Variants in FHIT observed in about 807,000 individuals in gnomAD.
FHIT encodes bis(5'-adenosyl)-triphosphatase.
A neutral mutation model predicts 17.9 loss-of-function variants in FHIT; 19 were observed. The ratio of observed to expected loss-of-function variants is 1.06; its 90% CI spans 0.74 to 1.56. FHIT has a LOEUF of 1.56. Ranked by LOEUF, FHIT falls within the 40% of genes most tolerant of loss-of-function variation. The pLI is 0.00. For missense variants in FHIT, 248 were observed against 189.2 expected, an observed-to-expected ratio of 1.31 and a Z score of -1.82; for synonymous variants, 81 against 69.7, an observed-to-expected ratio of 1.16 and a Z score of -0.81.
chr3:60,316,592 AAT>A (rs1709177068), intron 5 of FHIT, among the ~76,000 whole-genome samples: 1 of 152,204 alleles, frequency 6.6e-6, no homozygotes, highest in African/African-American at 2.4e-5. Flanking sequence ...CATTGAGCTA[AAT>A]GCATTACAGC....
chr3:60,839,946 AT>A (rs201838444), intron 3 of FHIT, among the ~76,000 whole-genome samples: 11 of 150,498 alleles, frequency 7.3e-5, no homozygotes, highest in East Asian at 1.9e-4. Context: ...CAGTCCAACT[AT>A]TTTTTTTTTA....
intron 8 of FHIT, among the ~76,000 whole-genome samples, chr3:59,888,224 G>C (rs1239122597): frequency 1.3e-5 from 2 of 152,142 alleles, no homozygotes; most frequent in Non-Finnish European, 2.9e-5. Flanking sequence ...TACTCACCTA[G>C]CTTGGCCAAG....
intron 5 of FHIT, among the ~76,000 whole-genome samples, chr3:60,032,783 A>G (rs924124227): frequency 1.3e-5 from 2 of 148,196 alleles, no homozygotes; most frequent in African/African-American, 5.0e-5. Context: ...TGTTTACACT[A>G]TGCAACACAG....
chr3:60,173,915 A>ATTTTTTTTTTTTTT, intron 5 of FHIT, among the ~76,000 whole-genome samples: 1 of 66,444 alleles, frequency 1.5e-5, no homozygotes, highest in Admixed American at 2.1e-4. Context: ...ATATATATAT[A>ATTTTTTTTTTTTTT]TGTTTTTTTT....
intron 4 of FHIT, among the ~76,000 whole-genome samples, chr3:60,696,901 G>A (rs1358218220): frequency 6.6e-6 from 1 of 152,108 alleles, no homozygotes; most frequent in African/African-American, 2.4e-5. Context: ...TCAATGATGC[G>A]TGGGAGAACA....
chr3:61,070,471 G>A lies in FHIT; in HGVS notation c.-163-28372C>T, dbSNP rs1007688852. On this transcript the variant is annotated intron_variant, in intron 2 of 9. Coordinates refer to ENST00000492590, the MANE Select transcript of FHIT (RefSeq NM_002012.4). Reference sequence around the variant, plus strand: ...AGTGAAAATCACTCAAAAGACCCCCGTGGAAATGGACAGACTTGTGTGGAA... The same window carrying A: ...AGTGAAAATCACTCAAAAGACCCCCATGGAAATGGACAGACTTGTGTGGAA... Among the ~76,000 whole-genome samples, 6 of 152,182 alleles carry A rather than the reference G, an allele frequency of 3.9e-5. No homozygotes were observed. In the East Asian group the frequency reaches 5.8e-4, roughly 15 times the overall value.
chr3:60,024,463 CAAAAG>C (rs1219183799), intron 5 of FHIT, among the ~76,000 whole-genome samples: 1 of 152,040 alleles, frequency 6.6e-6, no homozygotes, highest in Non-Finnish European at 1.5e-5. Flanking sequence ...AGGATAAAGC[CAAAAG>C]ACTTTCAAGA....
chr3:60,843,867 T>C (rs547382260), intron 3 of FHIT, among the ~76,000 whole-genome samples: 12 of 152,268 alleles, frequency 7.9e-5, no homozygotes, highest in African/African-American at 2.6e-4. Context: ...GTAGAGTATA[T>C]GATTGCTGCA....
intron 3 of FHIT, among the ~76,000 whole-genome samples, chr3:60,894,572 T>C (rs1433207640): frequency 6.6e-6 from 1 of 152,256 alleles, no homozygotes; most frequent in South Asian, 2.1e-4. Context: ...TATCTTGAAA[T>C]GGAGGCCAAG....
chr3:60,160,029 A>C (rs1335109101), intron 5 of FHIT, among the ~76,000 whole-genome samples: 2 of 152,214 alleles, frequency 1.3e-5, no homozygotes, highest in African/African-American at 4.8e-5. Flanking sequence ...TCTGCTATAC[A>C]GAGAAACATA....
intron 5 of FHIT, among the ~76,000 whole-genome samples, chr3:60,045,604 T>C (rs1410164092): frequency 6.6e-6 from 1 of 152,024 alleles, no homozygotes; most frequent in Non-Finnish European, 1.5e-5. Context: ...GAAAATAAAA[T>C]TTAAAAGAAG....
chr3:60,034,167 C>A (rs999876936), intron 5 of FHIT, among the ~76,000 whole-genome samples: 5 of 152,186 alleles, frequency 3.3e-5, no homozygotes, highest in Non-Finnish European at 7.3e-5. Context: ...AGATTGATCA[C>A]TTGGTGAGGA....
At chr3:60,905,886 T>C (rs1706385346) in intron 3 of FHIT, among the ~76,000 whole-genome samples, 1 of 152,196 alleles carries the variant, frequency 6.6e-6, no homozygotes, top group Admixed American at 6.5e-5. Context: ...TGGGACTTTC[T>C]TGAACAATTT....
intron 5 of FHIT, among the ~76,000 whole-genome samples, chr3:60,105,887 C>G (rs529500800): frequency 6.6e-6 from 1 of 152,164 alleles, no homozygotes; most frequent in Admixed American, 6.5e-5. Flanking sequence ...GAAAAGAATT[C>G]TACAGTAGTC....
intron 5 of FHIT, among the ~76,000 whole-genome samples, chr3:60,167,321 A>G (rs1701218274): frequency 6.6e-6 from 1 of 152,240 alleles, no homozygotes; most frequent in African/African-American, 2.4e-5. Flanking sequence ...AATACATTGC[A>G]TACTACTTGA....
At position 60,934,276 on chromosome 3, in the gene FHIT, T is replaced by C. The variant is rs1323526415; in HGVS notation, c.-111+107771A>G. ...CAATTCTGATTCCTGTACAGCCCTA[T>C]CAAAAAAAAGAAAAAAAGAAAAGAA... On this transcript the variant is annotated intron_variant, in intron 3 of 9. Coordinates refer to ENST00000492590, the MANE Select transcript of FHIT (RefSeq NM_002012.4). 2.7e-5 allele frequency among the ~76,000 whole-genome samples: 4 copies of C among 149,584 alleles called. No homozygotes were observed. In the East Asian group the frequency reaches 5.9e-4, roughly 22 times the overall value.
intron 4 of FHIT, among the ~76,000 whole-genome samples, chr3:60,581,505 G>T (rs1048885424): frequency 1.3e-5 from 2 of 151,858 alleles, no homozygotes; most frequent in Non-Finnish European, 2.9e-5. Flanking sequence ...TTGTTTTACA[G>T]ATAACAAAAT....
At chr3:60,443,899 A>G (rs574533028) in intron 5 of FHIT, among the ~76,000 whole-genome samples, 1 of 152,306 alleles carries the variant, frequency 6.6e-6, no homozygotes, top group African/African-American at 2.4e-5. Context: ...ATCAGAGTGA[A>G]CAGGCAACCT....
chr3:59,794,516 G>C (rs1699699527), intron 8 of FHIT, among the ~76,000 whole-genome samples: 1 of 152,130 alleles, frequency 6.6e-6, no homozygotes, highest in African/African-American at 2.4e-5. Context: ...CCACCACCTG[G>C]CAAAACATCA....
Sources: allele counts gnomAD v4.1 joint callset (sites outside exome capture counted in the v4.1 genomes callset), GRCh38; gene constraint gnomAD v4.1.1; transcripts MANE v1.5; gene names NCBI Gene and HGNC (gene_info 2026-07-23, HGNC 2026-07-21).